Variants in FER observed in about 807,000 individuals in gnomAD.
FER encodes tyrosine-protein kinase Fer.
Under a neutral mutation model 111.0 loss-of-function variants are expected in FER, and 63 were observed. That is an observed-to-expected ratio of 0.57 (90% CI 0.46 to 0.70). The LOEUF (loss-of-function observed/expected upper bound fraction) is 0.70, where lower values mean the gene tolerates loss of function less well. Among genes scored for constraint, FER ranks in the 30% least tolerant of loss-of-function variants. The pLI is 0.00. For missense variants in FER, 914 were observed against 954.0 expected, an observed-to-expected ratio of 0.96 and a Z score of 0.55; for synonymous variants, 327 against 313.9, an observed-to-expected ratio of 1.04 and a Z score of -0.44.
At chr5:109,186,758 G>C (rs964330327) in intron 19 of FER, among the ~76,000 whole-genome samples, 1 of 152,174 alleles carries the variant, frequency 6.6e-6, no homozygotes. Flanking sequence ...CTAGACCATA[G>C]ATGGGAATAA....
intron 1 of FER, among the ~76,000 whole-genome samples, chr5:108,757,883 G>C (rs1024972615): frequency 6.6e-6 from 1 of 152,106 alleles, no homozygotes; most frequent in Non-Finnish European, 1.5e-5. Context: ...CCTTACCTTG[G>C]TGGTTGCCTG....
chr5:109,054,926 G>C (rs1324265590), intron 16 of FER, among the ~76,000 whole-genome samples: 1 of 152,034 alleles, frequency 6.6e-6, no homozygotes, highest in Non-Finnish European at 1.5e-5. Flanking sequence ...TTTGGACTCT[G>C]TTCTTTTCTG....
At chr5:108,788,744 T>C (rs930635928) in intron 2 of FER, among the ~76,000 whole-genome samples, 2 of 152,202 alleles carry the variant, frequency 1.3e-5, no homozygotes, top group African/African-American at 4.8e-5. Context: ...CTCTTGAATT[T>C]GGATTTTTAA....
chr5:108,799,726 G>T (rs1756420085), intron 3 of FER, among the ~76,000 whole-genome samples: 1 of 152,116 alleles, frequency 6.6e-6, no homozygotes, highest in Non-Finnish European at 1.5e-5. Context: ...GATAGGGAAA[G>T]TATTTTTGGT....
intron 16 of FER, among the ~76,000 whole-genome samples, chr5:109,068,070 T>G (rs922821865): frequency 2.0e-5 from 3 of 152,146 alleles, no homozygotes; most frequent in African/African-American, 7.2e-5. Flanking sequence ...AGACCAAATT[T>G]ATTGTATTCC....
intron 13 of FER, among the ~76,000 whole-genome samples, chr5:108,993,411 C>T (rs1038746849): frequency 1.2e-4 from 18 of 152,114 alleles, no homozygotes; most frequent in Admixed American, 2.6e-4. Flanking sequence ...TGGCCGCGCG[C>T]GCCTGCAATC....
chr5:109,004,094 T>C (rs1239355130), intron 13 of FER, among the ~76,000 whole-genome samples: 1 of 152,194 alleles, frequency 6.6e-6, no homozygotes, highest in African/African-American at 2.4e-5. Context: ...GTGAGCACTC[T>C]CATACTCTGC....
At chr5:109,063,576 A>G (rs540850128) in intron 16 of FER, among the ~76,000 whole-genome samples, 1 of 152,306 alleles carries the variant, frequency 6.6e-6, no homozygotes, top group African/African-American at 2.4e-5. Context: ...ACCCATTGCC[A>G]ATTATATTAC....
At chr5:108,769,956 A>T (rs1339115471) in intron 2 of FER, among the ~76,000 whole-genome samples, 1 of 148,182 alleles carries the variant, frequency 6.7e-6, no homozygotes, top group Non-Finnish European at 1.5e-5. Context: ...GATGATGATG[A>T]TTTTTTTTTG....
chr5:109,172,801 G>T (rs1161837905), intron 17 of FER, among the ~76,000 whole-genome samples: 1 of 152,090 alleles, frequency 6.6e-6, no homozygotes, highest in Non-Finnish European at 1.5e-5. Flanking sequence ...TGTGCCTGGA[G>T]ATTTGGTATT....
At chr5:108,782,854 C>T (rs1204953008) in intron 2 of FER, 1 of 152,158 alleles carries the variant, frequency 6.6e-6, no homozygotes, top group East Asian at 1.9e-4. Context: ...TGCCCCTGTA[C>T]TGTTTGTTGA....
rs951198414 is a variant in FER, at chr5:108,946,298, A to G, written c.1329+76A>G. 115 of 934,616 alleles carry G rather than the reference A, an allele frequency of 1.2e-4. 1 individual carries two copies. The South Asian group carries it at 1.5e-3, about 12-fold the overall frequency. 57.9% of individuals were successfully genotyped at this position (934,616 alleles called of 1,614,324 possible). On this transcript the variant is annotated intron_variant, in intron 11 of 19. Transcript: ENST00000281092. ...CTTTCTGATGCACTAATGAATATAT[A>G]TATATGTGTGTGTGTGTGTATATAT...
intron 10 of FER, among the ~76,000 whole-genome samples, chr5:108,900,378 A>G (rs554194892): frequency 6.6e-6 from 1 of 152,342 alleles, no homozygotes; most frequent in South Asian, 2.1e-4. Context: ...AAAACAATCA[A>G]AGCTTTAAAT....
chr5:108,752,855 C>G (rs1307429765), intron 1 of FER, among the ~76,000 whole-genome samples: 1 of 152,006 alleles, frequency 6.6e-6, no homozygotes, highest in African/African-American at 2.4e-5. Flanking sequence ...TCATTATAAA[C>G]TTGATATTGT....
intron 2 of FER, among the ~76,000 whole-genome samples, chr5:108,792,705 A>C (rs1755517971): frequency 1.3e-5 from 2 of 150,734 alleles, no homozygotes; most frequent in South Asian, 2.1e-4. Flanking sequence ...ATTTATTCCT[A>C]AGTATTTTAT....
chr5:108,830,788 C>T (rs1218424600), intron 3 of FER: 1 of 152,212 alleles, frequency 6.6e-6, no homozygotes, highest in African/African-American at 2.4e-5. Context: ...GGAGCTGGGA[C>T]TTCTGCAGAA....
At chr5:109,053,143 T>C (rs1773079254) in intron 16 of FER, among the ~76,000 whole-genome samples, 1 of 152,056 alleles carries the variant, frequency 6.6e-6, no homozygotes, top group African/African-American at 2.4e-5. Context: ...TCCTATCACT[T>C]TGGAGGCCAG....
chr5:109,142,790 C>T (rs1253757769), intron 17 of FER, among the ~76,000 whole-genome samples: 1 of 152,034 alleles, frequency 6.6e-6, no homozygotes, highest in Admixed American at 6.6e-5. Context: ...AGTGACAAGT[C>T]AGTATATATT....
intron 16 of FER, 149 bp from the exon 17 acceptor site, chr5:109,100,246 GT>G: frequency 2.6e-6 from 2 of 776,956 alleles, no homozygotes; most frequent in Non-Finnish European, 4.1e-6. Context: ...CATGTTTTCT[GT>G]TATCCTCACG....
Sources: allele counts gnomAD v4.1 joint callset (sites outside exome capture counted in the v4.1 genomes callset), GRCh38; gene constraint gnomAD v4.1.1; transcripts MANE v1.5; gene names NCBI Gene and HGNC (gene_info 2026-07-23, HGNC 2026-07-21).